ZNF273: variants seen among roughly 807,000 people sequenced by gnomAD.
ZNF273 encodes zinc finger protein 273.
Under a neutral mutation model 14.9 loss-of-function variants are expected in ZNF273, and 11 were observed. The ratio of observed to expected loss-of-function variants is 0.74; its 90% CI spans 0.46 to 1.22. ZNF273 has a LOEUF of 1.22. ZNF273 is among the 50% of genes most tolerant of loss of function. ZNF273 has a pLI of 0.00. For missense variants in ZNF273, 577 were observed against 660.6 expected, an observed-to-expected ratio of 0.87 and a Z score of 1.39; for synonymous variants, 199 against 223.9, an observed-to-expected ratio of 0.89 and a Z score of 0.99.
At chr7:64,912,017 C>T (rs1793550538) in intron 1 of ZNF273, among the ~76,000 whole-genome samples, 1 of 152,200 alleles carries the variant, frequency 6.6e-6, no homozygotes, top group Admixed American at 6.5e-5. Context: ...TTAAGTTCCA[C>T]GTAATTGTAT....
At chr7:64,878,627 C>T (rs1420140796) in intron 2 of ZNF273, 1 of 152,202 alleles carries the variant, frequency 6.6e-6, no homozygotes, top group Non-Finnish European at 1.5e-5. Flanking sequence ...CTTTGCACAC[C>T]GTAGCCGGAT....
Position 64,914,941 on chromosome 7 carries a change from T to TTTA in ZNF273, c.103-2640_103-2639insTTA, listed in dbSNP as rs71061326. Among the ~76,000 whole-genome samples the TTTA allele has an allele frequency of 4.7e-5, 6 of 127,838 alleles. No homozygotes were observed. In the East Asian group the frequency reaches 1.1e-3, roughly 24 times the overall value. The allele number at this position is 127,838 out of a possible 152,430, so 83.9% of individuals were successfully genotyped here. ...AAAAATGGCCTTTTTTTTTTTTTTT[T>TTTA]AGCTAAACATGTCTCAGATCAAGAG... On this transcript the variant is annotated intron_variant, in intron 1 of 3. Transcript: ENST00000476120.
chr7:64,916,125 G>A (rs1214114732), intron 1 of ZNF273, among the ~76,000 whole-genome samples: 1 of 152,120 alleles, frequency 6.6e-6, no homozygotes, highest in Non-Finnish European at 1.5e-5. Flanking sequence ...GAGCCTGAGA[G>A]GCAGAGGTTG....
intron 1 of ZNF273, among the ~76,000 whole-genome samples, chr7:64,912,826 GTTTTTT>G (rs71061324): frequency 8.2e-5 from 3 of 36,568 alleles, no homozygotes; most frequent in African/African-American, 2.5e-4. Context: ...ATTCATTTTA[GTTTTTT>G]TTTTTTTTTT....
intron 3 of ZNF273, chr7:64,923,253 G>T: frequency 2.3e-6 from 1 of 435,790 alleles, no homozygotes; most frequent in Non-Finnish European, 4.5e-6. Context: ...AAGATTTATC[G>T]TTATAGTTGT....
downstream of ZNF273, chr7:64,889,551 C>T: frequency 1.0e-6 from 1 of 985,680 alleles, no homozygotes; most frequent in African/African-American, 1.7e-5. The surrounding 1 kb of genome is among the most constrained non-coding windows in gnomAD (Gnocchi z 4.2). Flanking sequence ...CCTCTACGGT[C>T]TCCTCTGACC....
chr7:64,892,389 A>G (rs1393507385), downstream of ZNF273, among the ~76,000 whole-genome samples: 1 of 152,188 alleles, frequency 6.6e-6, no homozygotes, highest in Non-Finnish European at 1.5e-5. Context: ...CAGTAATATC[A>G]GCTATTCTTT....
intron 3 of ZNF273, among the ~76,000 whole-genome samples, chr7:64,925,343 G>C (rs1794721483): frequency 6.6e-6 from 1 of 151,494 alleles, no homozygotes; most frequent in African/African-American, 2.4e-5. Flanking sequence ...TATTTTTTGG[G>C]GTACCTTGGG....
chr7:64,916,139 T>G (rs1793963710), intron 1 of ZNF273, among the ~76,000 whole-genome samples: 1 of 151,900 alleles, frequency 6.6e-6, no homozygotes, highest in African/African-American at 2.4e-5. Flanking sequence ...GAGGTTGTAG[T>G]GATCAGAGAT....
At chr7:64,917,962 A>T (rs1162145402) in intron 2 of ZNF273, among the ~76,000 whole-genome samples, 1 of 152,196 alleles carries the variant, frequency 6.6e-6, no homozygotes, top group South Asian at 2.1e-4. Context: ...AAAGTTGCCC[A>T]CACCGTAAAA....
intron 1 of ZNF273, among the ~76,000 whole-genome samples, chr7:64,905,699 C>T (rs1324345882): frequency 6.6e-6 from 1 of 152,108 alleles, no homozygotes; most frequent in African/African-American, 2.4e-5. Flanking sequence ...TATAGTGTCT[C>T]CGAAGAGGGT....
downstream of ZNF273, among the ~76,000 whole-genome samples, chr7:64,892,456 C>T (rs1792095183): frequency 6.6e-6 from 1 of 152,180 alleles, no homozygotes; most frequent in Non-Finnish European, 1.5e-5. Flanking sequence ...GGATGGGCAT[C>T]CTCTGTCTTC....
chr7:64,928,362 C>T lies in ZNF273; in HGVS notation c.1034C>T (p.Pro345Leu). The T allele has an allele frequency of 6.2e-7, 1 of 1,613,596 alleles. No individual in the cohort carries two copies. The highest frequency in any genetic ancestry group is 1.1e-5 in the South Asian group (1 of 91,066). Reference protein sequence around the residue: ...KHKIIHTGEKPYKCNECGKAF... With the variant: ...KHKIIHTGEKLYKCNECGKAF... ...AAGATAATTCATACTGGAGAGAAAC[C>T]CTACAAATGCAATGAATGTGGTAAA... is the stretch of plus-strand genomic sequence containing the variant. The change falls in exon 4 of 4, where the codon CCC becomes CTC. Residue 345 changes from proline to leucine, a missense_variant. Coordinates refer to ENST00000476120, the MANE Select transcript of ZNF273 (RefSeq NM_021148.3).
chr7:64,934,897 G>A (rs7782713), downstream of ZNF273, among the ~76,000 whole-genome samples: 60,422 of 151,860 alleles, frequency 0.4, 13,511 homozygotes, highest in South Asian at 0.49. Context: ...TCTGTAATAT[G>A]GATATTTAAC....
At chr7:64,907,847 C>T (rs4718168) in intron 1 of ZNF273, among the ~76,000 whole-genome samples, 63,313 of 151,828 alleles carry the variant, frequency 0.42, 13,423 homozygotes, top group South Asian at 0.45. Context: ...CCAGGGTGAG[C>T]GAGAACTGAC....
chr7:64,888,262 A>G (rs1791725354), intron 1 of ZNF273: 1 of 982,774 alleles, frequency 1.0e-6, no homozygotes, highest in African/African-American at 1.7e-5. Flanking sequence ...CCCTCGTCAG[A>G]TGTCCCTGTC....
intron 1 of ZNF273, among the ~76,000 whole-genome samples, chr7:64,885,822 T>C (rs1411761879): frequency 2.0e-5 from 3 of 151,068 alleles, no homozygotes; most frequent in African/African-American, 7.3e-5. Context: ...TGGGAGGGAG[T>C]GGAGGAGATG....
rs1465629795 is a variant in ZNF273, at chr7:64,928,959, C to G, written c.1631C>G (p.Pro544Arg). The change falls in exon 4 of 4, where the codon CCT becomes CGT. Residue 544 changes from proline to arginine, a missense_variant. By Grantham distance (103) the Pro-to-Arg change is moderately radical. Transcript: ENST00000476120. ...CATACTGGAGAGAAACCATACAAAC[C>G]TAAAAGATGTGACAGTGCTTTTGAC... ...KIHTGEKPYK[P>R]KRCDSAFDNT... 2 of 1,608,080 alleles carry G rather than the reference C, an allele frequency of 1.2e-6. No homozygotes were observed. The highest frequency in any genetic ancestry group is 2.7e-5 in the African/African-American group (2 of 74,590).
chr7:64,905,733 A>G (rs1562956499), intron 1 of ZNF273, among the ~76,000 whole-genome samples: 2 of 152,194 alleles, frequency 1.3e-5, no homozygotes, highest in Non-Finnish European at 2.9e-5. Context: ...TTAAGTGAGC[A>G]GGATGGGGTG....
Sources: allele counts gnomAD v4.1 joint callset (sites outside exome capture counted in the v4.1 genomes callset), GRCh38; gene constraint gnomAD v4.1.1; non-coding constraint Gnocchi (gnomAD v3.1); transcripts MANE v1.5; gene names NCBI Gene and HGNC (gene_info 2026-07-23, HGNC 2026-07-21).